The following UTP11 variants were observed in gnomAD, a reference collection of about 807,000 sequenced individuals.
UTP11 encodes probable U3 small nucleolar RNA-associated protein 11.
In UTP11, 29 loss-of-function variants were observed where a neutral mutation model predicts 39.0. The observed-to-expected ratio is 0.74, with a 90% CI of 0.55 to 1.01. The LOEUF (loss-of-function observed/expected upper bound fraction) is 1.01. Among genes scored for constraint, UTP11 ranks in the 50% least tolerant of loss-of-function variants. The pLI, the probability that UTP11 is intolerant of heterozygous loss-of-function variation, is 0.00. For missense variants in UTP11, 281 were observed against 306.0 expected (o/e 0.92, Z 0.61); for synonymous variants, 111 against 105.0 (o/e 1.06, Z -0.35).
chr1:38,016,592 T>C, intron 2 of UTP11, 172 bp downstream of exon 2: 1 of 641,488 alleles, frequency 1.6e-6, no homozygotes, highest in South Asian at 1.8e-5. Flanking sequence ...TTTCTCTCTT[T>C]GTTTAGGCAG....
chr1:38,014,079 C>T (rs1397906832), intron 1 of UTP11, among the ~76,000 whole-genome samples: 3 of 152,222 alleles, frequency 2.0e-5, no homozygotes, highest in Non-Finnish European at 4.4e-5. Flanking sequence ...TTACAATTGT[C>T]TCATGTAATC....
chr1:38,018,902 C>T (rs1186353013), intron 4 of UTP11, among the ~76,000 whole-genome samples, 157 bp from the exon 5 acceptor site: 1 of 152,012 alleles, frequency 6.6e-6, no homozygotes, highest in African/African-American at 2.4e-5. Flanking sequence ...AGCCCAATAC[C>T]TGATATTTGT....
At chr1:38,019,939 C>T (rs1225047411) in intron 6 of UTP11, among the ~76,000 whole-genome samples, 2 of 152,092 alleles carry the variant, frequency 1.3e-5, no homozygotes, top group Admixed American at 1.3e-4. Context: ...GGCCTTTAGA[C>T]CTGGGTTTGA....
At chr1:38,018,704 A>G (rs966836202) in intron 4 of UTP11, 127 bp downstream of exon 4, 1 of 807,986 alleles carries the variant, frequency 1.2e-6, no homozygotes, top group Non-Finnish European at 2.0e-6. Context: ...ATGATTTAGA[A>G]GTATAGTTAG....
At chr1:38,022,664 A>T in intron 6 of UTP11, 35 bp from the exon 7 acceptor site, 1 of 1,465,992 alleles carries the variant, frequency 6.8e-7, no homozygotes, top group South Asian at 1.2e-5. Context: ...TGTCCTGTTC[A>T]TTGTTCACTG....
intron 6 of UTP11, among the ~76,000 whole-genome samples, chr1:38,020,638 T>G (rs1191222753): frequency 6.6e-6 from 1 of 152,258 alleles, no homozygotes; most frequent in East Asian, 1.9e-4. Context: ...TTCCAATGTT[T>G]AATTTCACAG....
intron 5 of UTP11, 33 bp from the exon 6 acceptor site, chr1:38,019,220 C>A (rs776253941): frequency 6.2e-7 from 1 of 1,613,748 alleles, no homozygotes; most frequent in East Asian, 2.2e-5. Context: ...TGTTAGAAAC[C>A]GACAGTGCCT....
Position 38,023,555 on chromosome 1 carries a change from A to G in UTP11, c.689A>G (p.Gln230Arg). The change falls in exon 8 of 8, where the codon CAG becomes CGG. Residue 230 changes from glutamine (Q) to arginine (R), a missense_variant. By Grantham distance (43) the Gln-to-Arg change is conservative. Transcript: ENST00000373014. ...TTTACTCTTTTGTAGGATAAAACTC[A>G]GAAAGTGAAGGTGAAGAAAGAAACG... Reference protein sequence around the residue: ...QTRKDLMDKTQKVKVKKETVN... With the variant: ...QTRKDLMDKTRKVKVKKETVN... The G allele has an allele frequency of 6.2e-7, 1 of 1,610,464 alleles. No individual in the cohort carries two copies. Among genetic ancestry groups the G allele is most frequent in the East Asian group, 2.2e-5 (1 of 44,734 alleles).
In UTP11 at chr1:38,016,435, T is replaced by C; in HGVS notation, c.125+15T>C. The C allele has an allele frequency of 1.2e-6, 2 of 1,613,952 alleles. No individual in the cohort carries two copies. Among genetic ancestry groups the C allele is most frequent in the East Asian group, 4.5e-5 (2 of 44,886 alleles). On this transcript the variant is annotated intron_variant, in intron 2 of 7. Coordinates refer to ENST00000373014, the MANE Select transcript of UTP11 (RefSeq NM_016037.4). ...CTTCGTGCAGAGTGAGTTCAGTCTTTCTGGTAGAGGCGCTGCCAAGAAAGC... is the reference window on the plus strand; with the variant it reads ...CTTCGTGCAGAGTGAGTTCAGTCTTCCTGGTAGAGGCGCTGCCAAGAAAGC...
chr1:38,019,027 A>G (rs748467715), intron 4 of UTP11, 32 bp from the exon 5 acceptor site: 2 of 1,547,246 alleles, frequency 1.3e-6, no homozygotes, highest in Middle Eastern at 3.4e-4. Flanking sequence ...AGAAGAATCT[A>G]ATATAAAGTG....
At chr1:38,016,316 G>A (rs1646706882) in intron 1 of UTP11, 43 bp from the exon 2 acceptor site, 1 of 1,599,462 alleles carries the variant, frequency 6.3e-7, no homozygotes, top group Admixed American at 1.7e-5. Context: ...ATATGTGTTT[G>A]CGGAGGAAAC....
At position 38,017,744 on chromosome 1, in the gene UTP11, T is replaced by G; in HGVS notation, c.202T>G (p.Tyr68Asp). The G allele has an allele frequency of 6.2e-7, 1 of 1,612,058 alleles. No homozygotes were observed. Among genetic ancestry groups the G allele is most frequent in the South Asian group, 1.1e-5 (1 of 90,758 alleles). ...TGAAAAAAATCCAGATGAATTCTACTACAAAATGACTCGGGTTAAACTCCA... is the reference window on the plus strand; with the variant it reads ...TGAAAAAAATCCAGATGAATTCTACGACAAAATGACTCGGGTTAAACTCCA... The part of the protein sequence containing the change: ...ALEKNPDEFY[Y>D]KMTRVKLQDG... Residue 68 changes from tyrosine to aspartate, a missense_variant, in exon 3 of 8, where the codon TAC becomes GAC. Transcript: ENST00000373014.
chr1:38,013,788 C>T (rs1646691722), intron 1 of UTP11, among the ~76,000 whole-genome samples: 1 of 152,180 alleles, frequency 6.6e-6, no homozygotes, highest in African/African-American at 2.4e-5. Flanking sequence ...GATCTCGCCT[C>T]ACTACAACCT....
In UTP11 at chr1:38,023,467, A is replaced by G. The variant is rs1484264613; in HGVS notation, c.679-78A>G. On this transcript the variant is annotated intron_variant, in intron 7 of 7. Transcript: ENST00000373014. ...TTTGAGAAGGGCTGAAGCAGGTGCT[A>G]ATAGGTAGTTTATTAACCTTTCGAT... 5 of 1,302,896 alleles carry G rather than the reference A, an allele frequency of 3.8e-6. No individual in the cohort carries two copies. The African/African-American group carries it at 4.5e-5, about 12-fold the overall frequency. 80.7% of individuals were successfully genotyped at this position (1,302,896 alleles called of 1,614,324 possible).
At position 38,019,055 on chromosome 1, in the gene UTP11, C is replaced by A. The variant is rs1487700701; in HGVS notation, c.343-4C>A. 1.9e-6 allele frequency: 3 copies of A among 1,603,130 alleles called. No homozygotes were observed. Among genetic ancestry groups the A allele is most frequent in the Non-Finnish European group, 2.6e-6 (3 of 1,174,374 alleles). ...ATAAAGTGAGACCATATTCTGTGTT[C>A]TAGAAAATCGAAAGACTAAAATCAG... On this transcript the variant is annotated splice_region_variant and splice_polypyrimidine_tract_variant and intron_variant, in intron 4 of 7. Coordinates refer to ENST00000373014, the MANE Select transcript of UTP11 (RefSeq NM_016037.4).
chr1:38,023,057 A>G lies in UTP11; in HGVS notation c.678+248A>G, dbSNP rs548234233. ...AGCAAAGGGTAGGATCGGGTAGCATATGAACTTTATAGCTTATGAGCAGCT... is the reference window on the plus strand; with the variant it reads ...AGCAAAGGGTAGGATCGGGTAGCATGTGAACTTTATAGCTTATGAGCAGCT... On this transcript the variant is annotated intron_variant, in intron 7 of 7. Coordinates refer to ENST00000373014, the MANE Select transcript of UTP11 (RefSeq NM_016037.4). 1.2e-4 allele frequency among the ~76,000 whole-genome samples: 18 copies of G among 152,334 alleles called. No homozygotes were observed. The South Asian group carries it at 1.5e-3, about 12-fold the overall frequency.
Position 38,016,352 on chromosome 1 carries a change from C to A in UTP11, c.64-7C>A. On this transcript the variant is annotated splice_region_variant and splice_polypyrimidine_tract_variant and intron_variant, in intron 1 of 7. Coordinates refer to ENST00000373014, the MANE Select transcript of UTP11 (RefSeq NM_016037.4). ...TAAGCACTGTTGTTCTTTCTTTTGT[C>A]TTCTAGCCTGGCTTTCGAAAACATC... 1 of 1,614,116 alleles carries A rather than the reference C, an allele frequency of 6.2e-7. No homozygotes were observed. Among genetic ancestry groups the A allele is most frequent in the South Asian group, 1.1e-5 (1 of 91,074 alleles).
In UTP11 at chr1:38,012,748, C is replaced by T; in HGVS notation, c.-55C>T. 2 of 1,609,790 alleles carry T rather than the reference C, an allele frequency of 1.2e-6. No individual in the cohort carries two copies. Among genetic ancestry groups the T allele is most frequent in the Non-Finnish European group, 1.7e-6 (2 of 1,176,114 alleles). ...CGGTAGGAATCAGTGGACTTGGCGGCAGAGGCAGTGCGGATCCGGCGTTCT... is the reference window on the plus strand; with the variant it reads ...CGGTAGGAATCAGTGGACTTGGCGGTAGAGGCAGTGCGGATCCGGCGTTCT... On this transcript the variant is annotated 5_prime_UTR_variant, in exon 1 of 8. Transcript: ENST00000373014.
chr1:38,017,801 G>A, intron 3 of UTP11, 31 bp downstream of exon 3: 2 of 1,545,040 alleles, frequency 1.3e-6, no homozygotes, highest in South Asian at 1.2e-5. Context: ...TTGGTGTTTT[G>A]AGCTCCACAC....
Sources: allele counts gnomAD v4.1 joint callset (sites outside exome capture counted in the v4.1 genomes callset), GRCh38; gene constraint gnomAD v4.1.1; transcripts MANE v1.5; gene names NCBI Gene and HGNC (gene_info 2026-07-23, HGNC 2026-07-21).